The following MALAT1 variants were observed in gnomAD, a reference collection of about 807,000 sequenced individuals.
MALAT1 encodes hepcarcin.
exon 3 of MALAT1, chr11:65,500,395 C>T (rs750588513): frequency 4.2e-5 from 22 of 518,632 alleles, no homozygotes; most frequent in Non-Finnish European, 6.5e-5. Context: ...GACAGCTGAC[C>T]CAGGTGCTAC....
exon 3 of MALAT1, chr11:65,502,704 A>G (rs777310088): frequency 3.9e-6 from 2 of 509,402 alleles, no homozygotes; most frequent in South Asian, 2.9e-5. Context: ...ATGCAGAGAA[A>G]ACAGCTCCTT....
intron 3 of MALAT1, chr11:65,506,252 T>G (rs1304418135): frequency 2.2e-6 from 1 of 457,066 alleles, no homozygotes; most frequent in African/African-American, 2.1e-5. Flanking sequence ...TCTTGGAGTT[T>G]TGGGGAGGTG....
intron 1 of MALAT1, chr11:65,498,106 G>C: frequency 1.9e-6 from 1 of 518,904 alleles, no homozygotes; most frequent in Non-Finnish European, 3.8e-6. Flanking sequence ...CACAGAATCT[G>C]CAAAACAAAA....
intron 3 of MALAT1, chr11:65,504,368 T>G (rs748504919): frequency 1.9e-6 from 1 of 518,572 alleles, no homozygotes; most frequent in Non-Finnish European, 3.9e-6. Flanking sequence ...GGTCTGTCTG[T>G]TCTGTTGGCA....
chr11:65,498,955 C>T (rs1174043015), intron 2 of MALAT1: 2 of 518,606 alleles, frequency 3.9e-6, no homozygotes, highest in Admixed American at 3.9e-5. Context: ...CTACTTTTTG[C>T]CTCCCTCACA....
At chr11:65,499,487 T>A in exon 3 of MALAT1, 1 of 465,362 alleles carries the variant, frequency 2.1e-6, no homozygotes, top group Non-Finnish European at 4.2e-6. Flanking sequence ...TTGAAGGCGA[T>A]CTTTTAAAAA....
At position 65,504,120 on chromosome 11, in the gene MALAT1, T is replaced by G. The variant is rs763435518; in HGVS notation, n.5168+215T>G. 14 of 516,702 alleles carry G rather than the reference T, an allele frequency of 2.7e-5. No homozygotes were observed. In the Admixed American group the frequency reaches 2.7e-4, roughly 10 times the overall value. The allele number at this position is 516,702 out of a possible 1,614,324, so 32.0% of individuals were successfully genotyped here. A position where few individuals can be genotyped will look rare whatever the true frequency, so the allele number is the denominator to read the frequency against. ...GGGGTGCCTGTGGGGTTTTAAAGAA[T>G]TTTCCTTTGCAGAGGCATTTCATCC... On this transcript the variant is annotated intron_variant and non_coding_transcript_variant, in intron 3 of 3. Transcript: ENST00000619449.
chr11:65,500,948 C>T lies in MALAT1; in HGVS notation n.2211C>T, dbSNP rs767098054. 2.3e-5 allele frequency: 12 copies of T among 511,334 alleles called. No homozygotes were observed. In the East Asian group the frequency reaches 2.7e-4, roughly 12 times the overall value. 31.7% of individuals were successfully genotyped at this position (511,334 alleles called of 1,614,324 possible). On this transcript the variant is annotated non_coding_transcript_exon_variant, in exon 3 of 4. Transcript: ENST00000619449. The stretch of plus-strand genomic sequence containing the variant: ...TCAGGCTTATACTCATGAATCTTGT[C>T]TGAAGCTTTTGAGGGCAGACTGCCA...
intron 1 of MALAT1, chr11:65,498,223 G>T (rs1420042454): frequency 1.9e-6 from 1 of 518,856 alleles, no homozygotes; most frequent in Admixed American, 1.9e-5. Context: ...CGCTTAGTTG[G>T]TCTACTTTAA....
exon 3 of MALAT1, chr11:65,502,898 G>A (rs1286422340): frequency 2.0e-6 from 1 of 491,966 alleles, no homozygotes; most frequent in African/African-American, 1.9e-5. Context: ...TGCTTGTCAA[G>A]CTATAACCAC....
intron 3 of MALAT1, chr11:65,505,774 TATA>T (rs760196033): frequency 7.7e-5 from 40 of 517,962 alleles, no homozygotes; most frequent in Non-Finnish European, 1.5e-4. Flanking sequence ...GTAGCTCTAT[TATA>T]ATACTTATCC....
rs753333419 is a variant in MALAT1, at chr11:65,503,618, A to C, written n.4881A>C. 1.6e-5 allele frequency: 8 copies of C among 509,272 alleles called. No homozygotes were observed. The Middle Eastern group carries it at 2.6e-3, about 164-fold the overall frequency. 31.5% of individuals were successfully genotyped at this position (509,272 alleles called of 1,614,324 possible). A position where few individuals can be genotyped will look rare whatever the true frequency, so the allele number is the denominator to read the frequency against. On this transcript the variant is annotated non_coding_transcript_exon_variant, in exon 3 of 4. Transcript: ENST00000619449. ...TCATTCAAAATAATAAACTATTTTT[A>C]TTAGAGAATGTATACTTTTAGAAAG...
intron 1 of MALAT1, chr11:65,498,251 C>G (rs377150873): frequency 3.9e-6 from 2 of 518,682 alleles, no homozygotes; most frequent in African/African-American, 3.9e-5. Flanking sequence ...CTTGAACTCG[C>G]TTTCCATGGC....
exon 3 of MALAT1, chr11:65,503,549 A>G: frequency 3.9e-6 from 2 of 518,490 alleles, no homozygotes; most frequent in South Asian, 2.8e-5. Context: ...TGTTACTGCT[A>G]AAATTTACAT....
At chr11:65,503,481 G>C (rs771078381) in exon 3 of MALAT1, 17 of 517,894 alleles carry the variant, frequency 3.3e-5, no homozygotes, top group African/African-American at 2.9e-4. Flanking sequence ...AATTTGTTTA[G>C]CATTGAATCT....
At chr11:65,499,041 C>G (rs746679165) in exon 3 of MALAT1, 11 of 518,258 alleles carry the variant, frequency 2.1e-5, no homozygotes, top group Non-Finnish European at 4.2e-5. Context: ...CCGAGCTGTG[C>G]GGTAGGCATT....
chr11:65,502,183 A>ACT (rs752072309), exon 3 of MALAT1: 26 of 518,252 alleles, frequency 5.0e-5, no homozygotes, highest in Admixed American at 3.7e-4. Context: ...AAAGTATTGA[A>ACT]CTGGGGGTTG....
chr11:65,500,281 C>T (rs757611317), exon 3 of MALAT1: 2 of 518,684 alleles, frequency 3.9e-6, no homozygotes, highest in African/African-American at 1.9e-5. Context: ...GAAGGACTTT[C>T]GTAACGGAAG....
chr11:65,504,926 G>C (rs1854647014), intron 3 of MALAT1: 1 of 518,672 alleles, frequency 1.9e-6, no homozygotes, highest in Admixed American at 1.9e-5. Context: ...TTAAATGTGG[G>C]GATTGGGAAC....
Sources: allele counts gnomAD v4.1 joint callset, GRCh38; gene constraint gnomAD v4.1.1; transcripts MANE v1.5; gene names NCBI Gene and HGNC (gene_info 2026-07-23, HGNC 2026-07-21).